The following GRK4 variants were observed in gnomAD, a reference collection of about 807,000 sequenced individuals.
The protein encoded by GRK4 is G protein-coupled receptor kinase 2-like.
GRK4 carries 73 observed loss-of-function variants against 77.9 expected under a neutral mutation model. That is an observed-to-expected ratio of 0.94 (90% CI 0.78 to 1.14). GRK4 has a LOEUF of 1.14. Ranked by LOEUF, GRK4 falls within the 50% of genes most tolerant of loss-of-function variation. The pLI is 0.00. For missense variants in GRK4, 729 were observed against 700.2 expected (o/e 1.04, Z -0.46); for synonymous variants, 257 against 254.4 (o/e 1.01, Z -0.10).
chr4:2,997,619 G>A (rs1189423494), intron 4 of GRK4, among the ~76,000 whole-genome samples: 1 of 152,126 alleles, frequency 6.6e-6, no homozygotes, highest in Non-Finnish European at 1.5e-5. Context: ...ACTTAAATGT[G>A]AAAGACTAGG....
intron 9 of GRK4, 82 bp downstream of exon 9, chr4:3,019,913 C>A: frequency 1.5e-6 from 2 of 1,336,432 alleles, no homozygotes; most frequent in East Asian, 2.3e-5. Flanking sequence ...TTCACACTGG[C>A]TGCTTCCAGG....
At chr4:3,016,221 A>T (rs903284432) in intron 8 of GRK4, among the ~76,000 whole-genome samples, 12 of 148,430 alleles carry the variant, frequency 8.1e-5, no homozygotes, top group Middle Eastern at 3.5e-3. Flanking sequence ...TACAAAAAAA[A>T]TTTTTTTTAA....
chr4:3,013,104 C>T (rs964135271), intron 7 of GRK4, among the ~76,000 whole-genome samples: 4 of 151,674 alleles, frequency 2.6e-5, no homozygotes, highest in Admixed American at 6.6e-5. Flanking sequence ...AGTGCAGTGG[C>T]GCGATCTCGG....
intron 5 of GRK4, among the ~76,000 whole-genome samples, chr4:3,006,639 T>C (rs754319386): frequency 6.6e-6 from 1 of 152,014 alleles, no homozygotes; most frequent in Non-Finnish European, 1.5e-5. Context: ...CCAGGCATAG[T>C]GGTACATGCC....
rs772875790 is a variant in GRK4 at position 2,984,503 on chromosome 4, C to A, written c.53-10C>A. 2 of 1,574,198 alleles carry A rather than the reference C, an allele frequency of 1.3e-6. No individual in the cohort carries two copies. Among genetic ancestry groups the A allele is most frequent in the Non-Finnish European group, 1.7e-6 (2 of 1,147,484 alleles). On this transcript the variant is annotated splice_polypyrimidine_tract_variant and intron_variant, in intron 1 of 15. Transcript: ENST00000398052. ...GTTAAAGGAAATTGCCTTTTTTCTC[C>A]CAAATTCAGGAGGATATGGCAAAAA...
intron 4 of GRK4, among the ~76,000 whole-genome samples, chr4:2,998,461 A>G (rs1225775214): frequency 6.6e-6 from 1 of 152,168 alleles, no homozygotes; most frequent in African/African-American, 2.4e-5. Flanking sequence ...AAATTCACAC[A>G]TACACACATA....
chr4:3,037,570 GGTGTGTGTGTGTCC>G (rs2110096305), intron 14 of GRK4, 59 bp downstream of exon 14: 6 of 1,521,030 alleles, frequency 3.9e-6, no homozygotes, highest in Admixed American at 1.8e-5. Flanking sequence ...CAGGGAAAAG[GGTGTGTGTGTGTCC>G]GTGTGTGTGT....
intron 12 of GRK4, among the ~76,000 whole-genome samples, chr4:3,032,379 G>A (rs1739418137): frequency 6.6e-6 from 1 of 152,004 alleles, no homozygotes; most frequent in Non-Finnish European, 1.5e-5. Flanking sequence ...TCGGAAGGCT[G>A]TGCCACTGCA....
chr4:3,022,506 A>G, intron 10 of GRK4, 55 bp downstream of exon 10: 1 of 1,517,694 alleles, frequency 6.6e-7, no homozygotes, highest in Non-Finnish European at 9.1e-7. Flanking sequence ...AGGGACTTGG[A>G]TACAGAAAGT....
intron 1 of GRK4, among the ~76,000 whole-genome samples, chr4:2,976,194 TTC>T (rs771412783): frequency 1.3e-5 from 2 of 152,010 alleles, no homozygotes; most frequent in Non-Finnish European, 2.9e-5. Context: ...CTCTCTTTCT[TTC>T]TCTCTCTTTC....
At chr4:3,013,023 T>A (rs1370932391) in intron 7 of GRK4, among the ~76,000 whole-genome samples, 1 of 150,220 alleles carries the variant, frequency 6.7e-6, no homozygotes, top group Non-Finnish European at 1.5e-5. Context: ...CGGGCACCTG[T>A]AATCCCAGCT....
At chr4:2,994,615 T>C (rs554866446) in intron 4 of GRK4, among the ~76,000 whole-genome samples, 1 of 151,928 alleles carries the variant, frequency 6.6e-6, no homozygotes, top group Non-Finnish European at 1.5e-5. Flanking sequence ...AAGAAAGAAA[T>C]AATTATAAAG....
At chr4:2,987,144 A>T (rs766470169) in intron 2 of GRK4, 11 of 518,340 alleles carry the variant, frequency 2.1e-5, no homozygotes, top group Non-Finnish European at 3.9e-5. Context: ...AGAGCTAGAC[A>T]ACTACAAATC....
intron 1 of GRK4, among the ~76,000 whole-genome samples, chr4:2,979,219 C>T (rs1276274974): frequency 2.7e-5 from 4 of 147,636 alleles, no homozygotes; most frequent in East Asian, 2.0e-4. Flanking sequence ...AACGAGACTC[C>T]GTCTCAAAAA....
intron 1 of GRK4, among the ~76,000 whole-genome samples, chr4:2,972,527 G>C (rs904424717): frequency 3.3e-5 from 5 of 151,774 alleles, no homozygotes; most frequent in Non-Finnish European, 5.9e-5. Context: ...CAAACCTGCG[G>C]GGGGGGGCCC....
rs755233364 is a variant in GRK4, at chr4:3,022,410, G to T, written c.933-4G>T. ...ATTGGGCCTTTTGTTGTTGTTTCTT[G>T]TAGAGACTTGAAGCCTGAGAATATT... On this transcript the variant is annotated splice_polypyrimidine_tract_variant and splice_region_variant and intron_variant, in intron 9 of 15. Coordinates refer to ENST00000398052, the MANE Select transcript of GRK4 (RefSeq NM_182982.3). 3 of 1,613,722 alleles carry T rather than the reference G, an allele frequency of 1.9e-6. No homozygotes were observed. In the East Asian group the frequency reaches 6.7e-5, roughly 36 times the overall value.
intron 1 of GRK4, among the ~76,000 whole-genome samples, chr4:2,979,424 AAAG>A: frequency 6.7e-6 from 1 of 149,572 alleles, no homozygotes; most frequent in Admixed American, 6.6e-5. Context: ...AAAAAAAAAA[AAAG>A]AGTGGCCAGG....
At chr4:2,986,354 C>CTTTTTTTTTTTTTTT (rs36001597) in intron 2 of GRK4, among the ~76,000 whole-genome samples, 1 of 73,282 alleles carries the variant, frequency 1.4e-5, no homozygotes, top group African/African-American at 5.6e-5. Context: ...AAGGTGTTAT[C>CTTTTTTTTTTTTTTT]TTTTTTTTTT....
intron 1 of GRK4, among the ~76,000 whole-genome samples, chr4:2,969,844 A>C (rs1170645473): frequency 5.3e-5 from 8 of 151,744 alleles, no homozygotes; most frequent in Admixed American, 5.2e-4. Context: ...TGCACAGATA[A>C]TTTTGTGGTT....
Sources: allele counts gnomAD v4.1 joint callset (sites outside exome capture counted in the v4.1 genomes callset), GRCh38; gene constraint gnomAD v4.1.1; transcripts MANE v1.5; gene names NCBI Gene and HGNC (gene_info 2026-07-23, HGNC 2026-07-21).